Variants in SNTG1 observed in about 807,000 individuals in gnomAD.
SNTG1 encodes the protein syntrophin gamma 1.
A neutral mutation model predicts 74.7 loss-of-function variants in SNTG1; 39 were observed. The ratio of observed to expected loss-of-function variants is 0.52; its 90% confidence interval spans 0.40 to 0.68. The LOEUF (loss-of-function observed/expected upper bound fraction) is 0.68. Ranked by LOEUF, SNTG1 falls within the 30% of genes least tolerant of loss-of-function variation. SNTG1 has a pLI of 0.00. For missense variants in SNTG1, 685 were observed against 609.5 expected (o/e 1.12, Z -1.30); for synonymous variants, 254 against 217.1 (o/e 1.17, Z -1.49).
chr8:50,783,024 C>T (rs578223091), intron 18 of SNTG1, among the ~76,000 whole-genome samples: 1 of 152,282 alleles, frequency 6.6e-6, no homozygotes, highest in South Asian at 2.1e-4. Context: ...AGCCGATTTT[C>T]ATGAACCGCA....
chr8:50,429,779 G>A (rs531130510), intron 4 of SNTG1, among the ~76,000 whole-genome samples: 13 of 152,002 alleles, frequency 8.6e-5, no homozygotes, highest in South Asian at 2.1e-4. Context: ...AAAAGTTCTC[G>A]CAACTCAATT....
chr8:50,526,586 T>G (rs2094221368), intron 9 of SNTG1, among the ~76,000 whole-genome samples: 1 of 151,860 alleles, frequency 6.6e-6, no homozygotes, highest in Non-Finnish European at 1.5e-5. Context: ...CTGAACTTCA[T>G]CAAAGTCAGC....
intron 13 of SNTG1, among the ~76,000 whole-genome samples, chr8:50,593,849 C>T (rs1389481108): frequency 2.0e-5 from 3 of 151,958 alleles, no homozygotes; most frequent in African/African-American, 4.8e-5. Flanking sequence ...TCCCAAGCAG[C>T]TGGGATTACA....
intron 1 of SNTG1, among the ~76,000 whole-genome samples, chr8:50,038,588 G>T (rs1818358421): frequency 6.6e-6 from 1 of 152,036 alleles, no homozygotes; most frequent in East Asian, 1.9e-4. Flanking sequence ...CAATGAATTT[G>T]CTGTTCCTCC....
chr8:50,663,717 C>T (rs1296997297), intron 15 of SNTG1, among the ~76,000 whole-genome samples: 1 of 152,154 alleles, frequency 6.6e-6, no homozygotes, highest in African/African-American at 2.4e-5. Context: ...TTTTCTTAGC[C>T]TATTCTCTTG....
chr8:50,791,642 T>C lies in SNTG1; in HGVS notation c.1396-1029T>C, dbSNP rs560858269. Among the ~76,000 whole-genome samples the C allele has an allele frequency of 1.5e-3, 226 of 151,996 alleles. 1 individual carries two copies. The highest frequency in any genetic ancestry group is 2.7e-3 in the Non-Finnish European group (186 of 67,832). ...TAAGTTGTAAACACAGTCATGTACA[T>C]ATCAATTATAATTCTAAATTCTTTA... On this transcript the variant is annotated intron_variant, in intron 18 of 18. Coordinates refer to ENST00000642720, the MANE Select transcript of SNTG1 (RefSeq NM_018967.5).
At chr8:50,721,864 A>G (rs1390988518) in intron 17 of SNTG1, among the ~76,000 whole-genome samples, 1 of 152,168 alleles carries the variant, frequency 6.6e-6, no homozygotes, top group Non-Finnish European at 1.5e-5. Context: ...TTTAATAAAT[A>G]ACAAAGATGT....
At chr8:50,481,980 G>A (rs1375848495) in intron 8 of SNTG1, among the ~76,000 whole-genome samples, 2 of 152,210 alleles carry the variant, frequency 1.3e-5, no homozygotes, top group Admixed American at 6.5e-5. Flanking sequence ...CATGCAACAT[G>A]TTATGGACAT....
intron 11 of SNTG1, among the ~76,000 whole-genome samples, chr8:50,550,107 T>A (rs1408180432): frequency 1.3e-5 from 2 of 152,158 alleles, no homozygotes; most frequent in African/African-American, 2.4e-5. Flanking sequence ...CAGTTTCATA[T>A]CATCTCAAGT....
In SNTG1 at chr8:50,609,954, G is replaced by T. The variant is rs146049124; in HGVS notation, c.849+19037G>T. Among the ~76,000 whole-genome samples, 819 of 152,154 alleles carry T rather than the reference G, an allele frequency of 5.4e-3. 13 individuals carry two copies. The highest frequency in any genetic ancestry group is 0.018 in the African/African-American group (750 of 41,550). On this transcript the variant is annotated intron_variant, in intron 13 of 18. Transcript: ENST00000642720. ...AGTTTTTGTTTGCTAAACAAAACTT[G>T]TTTTTTCATCCAGAGTCAGTTTCTA...
At chr8:50,777,258 T>C (rs974056694) in intron 18 of SNTG1, among the ~76,000 whole-genome samples, 9 of 147,638 alleles carry the variant, frequency 6.1e-5, no homozygotes, top group Non-Finnish European at 1.2e-4. Flanking sequence ...ATATAATATA[T>C]ATATTTGTTT....
chr8:50,288,638 G>T (rs557116143), intron 2 of SNTG1, among the ~76,000 whole-genome samples: 43 of 152,192 alleles, frequency 2.8e-4, no homozygotes, highest in Non-Finnish European at 5.4e-4. Flanking sequence ...AAACATCAAA[G>T]ATTTCATGGG....
chr8:50,654,694 G>A (rs1455849509), intron 13 of SNTG1, among the ~76,000 whole-genome samples: 1 of 151,972 alleles, frequency 6.6e-6, no homozygotes. Flanking sequence ...TAATGTTATT[G>A]TCATCCAGAA....
At chr8:50,083,364 C>T (rs970134729) in intron 1 of SNTG1, among the ~76,000 whole-genome samples, 7 of 152,118 alleles carry the variant, frequency 4.6e-5, no homozygotes, top group African/African-American at 1.7e-4. Context: ...GCTAAAGAGA[C>T]TTAGATAATT....
chr8:50,153,166 C>T (rs183245563), intron 1 of SNTG1, among the ~76,000 whole-genome samples: 2 of 152,292 alleles, frequency 1.3e-5, no homozygotes, highest in East Asian at 1.9e-4. Context: ...GATCTTCAAT[C>T]ACTGATACCC....
intron 15 of SNTG1, among the ~76,000 whole-genome samples, chr8:50,668,331 C>G (rs140742104): frequency 6.6e-6 from 1 of 151,536 alleles, no homozygotes; most frequent in Non-Finnish European, 1.5e-5. Context: ...TTAATTAATT[C>G]TCATGTTTCA....
At chr8:50,256,136 A>T (rs1159819160) in intron 2 of SNTG1, among the ~76,000 whole-genome samples, 8 of 152,114 alleles carry the variant, frequency 5.3e-5, no homozygotes, top group Non-Finnish European at 1.5e-5. Flanking sequence ...CCGACATAGC[A>T]GTTAAGTATG....
chr8:50,114,557 T>C (rs1024084588), intron 1 of SNTG1, among the ~76,000 whole-genome samples: 10 of 151,918 alleles, frequency 6.6e-5, no homozygotes, highest in African/African-American at 2.4e-4. Flanking sequence ...GGCCAAAGGG[T>C]ATAAAGTTTC....
At chr8:50,484,206 TTC>T (rs1404787247) in intron 8 of SNTG1, among the ~76,000 whole-genome samples, 2,078 of 126,730 alleles carry the variant, frequency 0.016, 125 homozygotes, top group African/African-American at 0.032. Flanking sequence ...CCTTCCTTCC[TTC>T]CTTCCTTCTT....
Sources: gnomAD v4.1 joint callset for allele counts (sites outside exome capture counted in the v4.1 genomes callset) on GRCh38, gnomAD v4.1.1 for gene constraint, MANE v1.5 for transcripts, NCBI Gene and HGNC (gene_info 2026-07-23, HGNC 2026-07-21) for gene names.